Variants in ZNF536 observed in about 807,000 individuals in gnomAD.
ZNF536 encodes zinc finger protein 536.
In ZNF536, 13 loss-of-function variants were observed where a neutral mutation model predicts 84.5. The observed-to-expected ratio is 0.15, with a 90% confidence interval of 0.10 to 0.24. The LOEUF is 0.24. Among genes scored for constraint, ZNF536 ranks in the 10% least tolerant of loss-of-function variants. The pLI is 1.00. For synonymous variants in ZNF536, 811 were observed against 742.5 expected (o/e 1.09, Z -1.50); for missense variants, 1,536 against 1,747.5 (o/e 0.88, Z 2.16).
chr19:30,436,131 G>T (rs2051735841), intron 1 of ZNF536, among the ~76,000 whole-genome samples: 1 of 152,272 alleles, frequency 6.6e-6, no homozygotes, highest in Non-Finnish European at 1.5e-5. Flanking sequence ...AAGTCAGTGA[G>T]GGCCTTGACT....
intron 1 of ZNF536, among the ~76,000 whole-genome samples, chr19:30,567,170 A>G (rs967987087): frequency 2.3e-4 from 35 of 152,360 alleles, no homozygotes; most frequent in African/African-American, 8.4e-4. Context: ...CCAAAAGTAC[A>G]TAACAACAGC....
At chr19:30,505,296 T>C (rs2055125277) in intron 2 of ZNF536, among the ~76,000 whole-genome samples, 1 of 147,580 alleles carries the variant, frequency 6.8e-6, no homozygotes, top group Non-Finnish European at 1.5e-5. Context: ...ATTCTATAAA[T>C]ATATGTTATA....
At chr19:30,443,450 T>G in intron 1 of ZNF536, 111 bp from the exon 2 acceptor site, 1 of 1,393,802 alleles carries the variant, frequency 7.2e-7, no homozygotes, top group Non-Finnish European at 9.4e-7. Flanking sequence ...TTCCTTAGCA[T>G]GATTATGTGT....
intron 1 of ZNF536, among the ~76,000 whole-genome samples, chr19:30,695,929 C>T (rs1006970270): frequency 4.6e-5 from 7 of 152,146 alleles, no homozygotes; most frequent in African/African-American, 1.7e-4. Flanking sequence ...CCCAATGTTC[C>T]TAAGGAGGGA....
downstream of ZNF536, among the ~76,000 whole-genome samples, chr19:30,559,516 C>T (rs534815629): frequency 6.6e-6 from 1 of 152,164 alleles, no homozygotes; most frequent in Non-Finnish European, 1.5e-5. Flanking sequence ...GCCTTTTTCT[C>T]GGGGCCTCTG....
chr19:30,468,396 G>A (rs941190591), intron 2 of ZNF536, among the ~76,000 whole-genome samples: 1 of 152,286 alleles, frequency 6.6e-6, no homozygotes, highest in African/African-American at 2.4e-5. Flanking sequence ...GGTGGGCCTG[G>A]TGGGCTGGCC....
intron 1 of ZNF536, among the ~76,000 whole-genome samples, chr19:30,657,875 G>T (rs946399558): frequency 1.3e-5 from 2 of 152,122 alleles, no homozygotes; most frequent in South Asian, 2.1e-4. Context: ...TGAGGAATGG[G>T]TGTCATCTCT....
At chr19:30,271,018 C>G (rs1476148134) in intron 1 of ZNF536, among the ~76,000 whole-genome samples, 1 of 151,988 alleles carries the variant, frequency 6.6e-6, no homozygotes, top group Non-Finnish European at 1.5e-5. Context: ...AGAATGCACT[C>G]TTTCTAAGAA....
At chr19:30,326,794 T>TTTTTTTTTTTTTG in intron 2 of ZNF536, among the ~76,000 whole-genome samples, 1 of 115,290 alleles carries the variant, frequency 8.7e-6, no homozygotes. Context: ...TAAAAAGCTT[T>TTTTTTTTTTTTTG]TTTTTTTTTT....
chr19:30,384,170 C>T (rs1172563562), intron 1 of ZNF536, among the ~76,000 whole-genome samples: 73 of 88,166 alleles, frequency 8.3e-4, no homozygotes, highest in South Asian at 1.9e-3. Flanking sequence ...CTTTCGTTTC[C>T]TTCTTTCTTT....
intron 1 of ZNF536, among the ~76,000 whole-genome samples, chr19:30,261,125 C>A (rs925359937): frequency 6.6e-6 from 1 of 151,182 alleles, no homozygotes; most frequent in African/African-American, 2.4e-5. Flanking sequence ...GGTGAAACCC[C>A]GTCTCTACTA....
chr19:30,680,456 T>G (rs1265097722), intron 1 of ZNF536, among the ~76,000 whole-genome samples: 1 of 130,866 alleles, frequency 7.6e-6, no homozygotes, highest in Non-Finnish European at 1.5e-5. Context: ...CCTGTGTCCA[T>G]GTGTTCTCAT....
At chr19:30,379,157 G>C (rs565641244) in intron 1 of ZNF536, among the ~76,000 whole-genome samples, 1 of 152,338 alleles carries the variant, frequency 6.6e-6, no homozygotes, top group East Asian at 1.9e-4. Flanking sequence ...TTTGAAGTTT[G>C]TGTATTCTCC....
At chr19:30,290,993 C>A (rs185548690) in intron 2 of ZNF536, among the ~76,000 whole-genome samples, 13 of 152,300 alleles carry the variant, frequency 8.5e-5, no homozygotes, top group African/African-American at 1.2e-4. Flanking sequence ...CCAGCTTCAT[C>A]CATGTCCCTG....
chr19:30,261,697 CA>C (rs56820609), intron 1 of ZNF536, among the ~76,000 whole-genome samples: 41,102 of 99,928 alleles, frequency 0.41, 6,454 homozygotes, highest in Middle Eastern at 0.52. Flanking sequence ...GGACCTTGTC[CA>C]AAAAAAAAAA....
At chr19:30,449,490 C>T (rs1056555185) in intron 2 of ZNF536, among the ~76,000 whole-genome samples, 1 of 152,156 alleles carries the variant, frequency 6.6e-6, no homozygotes. Context: ...GGAAATCACA[C>T]TCAGAATAAT....
In ZNF536 at chr19:30,644,769, G is replaced by A. The variant is rs1168111675; in HGVS notation, c.170-65988G>A. On this transcript the variant is annotated intron_variant, in intron 1 of 1. Coordinates refer to the ZNF536 transcript ENST00000592773. Reference sequence around the variant, plus strand: ...ATTTTCTTAATCCAGCCTTTTATTTGTTGGACATTTGGGTTGGTTCCAAGT... The same window carrying A: ...ATTTTCTTAATCCAGCCTTTTATTTATTGGACATTTGGGTTGGTTCCAAGT... 2.6e-5 allele frequency among the ~76,000 whole-genome samples: 4 copies of A among 152,130 alleles called. No homozygotes were observed. In the East Asian group the frequency reaches 7.7e-4, roughly 29 times the overall value.
At chr19:30,508,596 G>A (rs12611123) in intron 2 of ZNF536, among the ~76,000 whole-genome samples, 18,686 of 151,894 alleles carry the variant, frequency 0.12, 1,468 homozygotes, top group East Asian at 0.28. Flanking sequence ...GGGCCAGGTG[G>A]AGCAGGGAGC....
chr19:30,700,767 T>C lies in ZNF536; in HGVS notation c.170-9990T>C, dbSNP rs149354829. ...TGGTCAAATGTATCCAATTGACCTATAGGGGGATACCTTTTTAATGTATCC... is the reference window on the plus strand; with the variant it reads ...TGGTCAAATGTATCCAATTGACCTACAGGGGGATACCTTTTTAATGTATCC... On this transcript the variant is annotated intron_variant, in intron 1 of 1. Transcript: ENST00000592773. Among the ~76,000 whole-genome samples the C allele has an allele frequency of 2.0e-5, 3 of 152,340 alleles. No homozygotes were observed. The East Asian group carries it at 5.8e-4, about 29-fold the overall frequency.
Sources: gnomAD v4.1 joint callset for allele counts (sites outside exome capture counted in the v4.1 genomes callset) on GRCh38, gnomAD v4.1.1 for gene constraint, MANE v1.5 for transcripts, NCBI Gene and HGNC (gene_info 2026-07-23, HGNC 2026-07-21) for gene names.